SLC25A24: variants seen among roughly 807,000 people sequenced by gnomAD.
SLC25A24 encodes solute carrier family 25 member 24.
In SLC25A24, 49 loss-of-function variants were observed where a neutral mutation model predicts 60.7. That is an observed-to-expected ratio of 0.81 (90% confidence interval 0.64 to 1.02). The LOEUF (loss-of-function observed/expected upper bound fraction) is 1.02. Among genes scored for constraint, SLC25A24 ranks in the 50% least tolerant of loss-of-function variants. The pLI, the probability that SLC25A24 is intolerant of heterozygous loss-of-function variation, is 0.00. For missense variants in SLC25A24, 564 were observed against 586.3 expected, an observed-to-expected ratio of 0.96 and a Z score of 0.39; for synonymous variants, 202 against 200.6, an observed-to-expected ratio of 1.01 and a Z score of -0.06.
At chr1:108,161,661 T>C (rs1680088839) in intron 3 of SLC25A24, among the ~76,000 whole-genome samples, 1 of 152,246 alleles carries the variant, frequency 6.6e-6, no homozygotes, top group Non-Finnish European at 1.5e-5. Flanking sequence ...ATCATGAAGA[T>C]AATTCTTAAT....
intron 6 of SLC25A24, among the ~76,000 whole-genome samples, chr1:108,151,198 C>A (rs1006259233): frequency 6.6e-6 from 1 of 152,002 alleles, no homozygotes; most frequent in Non-Finnish European, 1.5e-5. Flanking sequence ...GAGACTCCAT[C>A]TCAAAAACAA....
At chr1:108,144,220 C>T (rs966760965) in intron 7 of SLC25A24, among the ~76,000 whole-genome samples, 14 of 152,048 alleles carry the variant, frequency 9.2e-5, no homozygotes, top group African/African-American at 3.4e-4. Context: ...TACCACATAT[C>T]GGTGAAAATT....
intron 1 of SLC25A24, among the ~76,000 whole-genome samples, chr1:108,189,614 A>G (rs1172987290): frequency 2.0e-5 from 3 of 152,138 alleles, no homozygotes; most frequent in African/African-American, 7.2e-5. Flanking sequence ...CAGAAGTACA[A>G]GACCAGTCTG....
chr1:108,192,748 CAG>C, intron 1 of SLC25A24: 1 of 1,373,480 alleles, frequency 7.3e-7, no homozygotes, highest in Non-Finnish European at 9.5e-7. Flanking sequence ...GCATCCTCCT[CAG>C]GGGCGCCAAA....
intron 4 of SLC25A24, 126 bp downstream of exon 4, chr1:108,161,056 C>A: frequency 3.5e-6 from 2 of 567,022 alleles, no homozygotes; most frequent in Non-Finnish European, 6.3e-6. Context: ...AAATAGAACT[C>A]TACAGGTTAA....
chr1:108,143,899 C>G (rs912184379), intron 7 of SLC25A24, among the ~76,000 whole-genome samples, 189 bp from the exon 8 acceptor site: 2 of 152,102 alleles, frequency 1.3e-5, no homozygotes, highest in South Asian at 2.1e-4. Context: ...CAGAGAGACC[C>G]GTTTACTGCA....
rs2101590181 is a variant in SLC25A24 at position 108,134,511 on chromosome 1, C to G, written c.*2142G>C. On this transcript the variant is annotated 3_prime_UTR_variant, in exon 10 of 10. Transcript: ENST00000565488. ...GCCAATCCTGAGGCTCTGGGTCCCCCTTGGTACTGTGAACCCCAGGGCTGT... is the reference window on the plus strand; with the variant it reads ...GCCAATCCTGAGGCTCTGGGTCCCCGTTGGTACTGTGAACCCCAGGGCTGT... 6.6e-6 allele frequency: 1 copy of G among 152,266 alleles called. No homozygotes were observed. Among genetic ancestry groups the G allele is most frequent in the South Asian group, 2.1e-4 (1 of 4,820 alleles). 9.4% of individuals were successfully genotyped at this position (152,266 alleles called of 1,614,324 possible).
chr1:108,199,910 C>G (rs1558031579), intron 1 of SLC25A24, 46 bp downstream of exon 1: 1 of 1,493,042 alleles, frequency 6.7e-7, no homozygotes. Context: ...GTCCCCAGCG[C>G]CCGCAGCCCT....
intron 6 of SLC25A24, 110 bp from the exon 7 acceptor site, chr1:108,148,496 A>T: frequency 1.5e-6 from 1 of 689,518 alleles, no homozygotes; most frequent in Non-Finnish European, 2.6e-6. Flanking sequence ...GTATTAGGAG[A>T]TGAGGCTTCT....
chr1:108,164,412 C>A (rs1680183613), intron 3 of SLC25A24, among the ~76,000 whole-genome samples: 1 of 150,110 alleles, frequency 6.7e-6, no homozygotes, highest in Non-Finnish European at 1.5e-5. Flanking sequence ...GCTGTGAATC[C>A]ATCTGGTCCT....
chr1:108,177,311 C>T (rs932094313), intron 3 of SLC25A24, among the ~76,000 whole-genome samples: 2 of 151,662 alleles, frequency 1.3e-5, no homozygotes, highest in Non-Finnish European at 1.5e-5. Flanking sequence ...GAGAAAATCA[C>T]TTAACCACAA....
intron 3 of SLC25A24, among the ~76,000 whole-genome samples, chr1:108,164,752 G>A (rs1294818700): frequency 8.3e-6 from 1 of 120,330 alleles, no homozygotes; most frequent in Non-Finnish European, 1.7e-5. Flanking sequence ...CCAGCTCCTG[G>A]ATTCATTAAT....
At chr1:108,141,886 A>G (rs543191000) in intron 8 of SLC25A24, among the ~76,000 whole-genome samples, 120 of 152,254 alleles carry the variant, frequency 7.9e-4, no homozygotes, top group African/African-American at 2.8e-3. Context: ...TTTAATGACT[A>G]TAGAGTTTAA....
intron 1 of SLC25A24, 193 bp downstream of exon 1, chr1:108,199,763 G>T: frequency 1.7e-6 from 1 of 597,300 alleles, no homozygotes. Context: ...TTCGTATTAT[G>T]ACCCACTTCT....
chr1:108,166,942 A>G (rs1347528386), intron 3 of SLC25A24, among the ~76,000 whole-genome samples: 1 of 150,224 alleles, frequency 6.7e-6, no homozygotes, highest in Non-Finnish European at 1.5e-5. Context: ...TTGGTCTTTG[A>G]TGATGGTGAT....
chr1:108,167,898 T>C (rs1257956311), intron 3 of SLC25A24, among the ~76,000 whole-genome samples: 1 of 152,220 alleles, frequency 6.6e-6, no homozygotes, highest in East Asian at 1.9e-4. Flanking sequence ...ATTTGGCTTG[T>C]TTTACAAGTT....
In SLC25A24 at chr1:108,200,295, G is replaced by A. The variant is rs1648628770; in HGVS notation, c.-157C>T. 1.8e-6 allele frequency: 1 copy of A among 568,570 alleles called. No homozygotes were observed. The highest frequency in any genetic ancestry group is 4.6e-5 in the Admixed American group (1 of 21,738). The allele number at this position is 568,570 out of a possible 1,614,324, so 35.2% of individuals were successfully genotyped here. A position where few individuals can be genotyped will look rare whatever the true frequency, so the allele number is the denominator to read the frequency against. The stretch of plus-strand genomic sequence containing the variant: ...TTGCGGCTGCGGCGCGCAGGGCGCA[G>A]GGCGCAGGAGCGGAGACCCCACCCG... On this transcript the variant is annotated 5_prime_UTR_variant, in exon 1 of 10. Transcript: ENST00000565488.
intron 6 of SLC25A24, among the ~76,000 whole-genome samples, chr1:108,152,648 C>G (rs1367067920): frequency 4.6e-5 from 7 of 152,188 alleles, no homozygotes; most frequent in African/African-American, 7.2e-5. Flanking sequence ...CGCCCGGCTC[C>G]CCTTCATCTT....
At position 108,182,097 on chromosome 1, in the gene SLC25A24, C is replaced by T. The variant is rs187649162; in HGVS notation, c.311-69G>A. 1,497 of 1,035,122 alleles carry T rather than the reference C, an allele frequency of 1.4e-3. 2 individuals are homozygous for T. The highest frequency in any genetic ancestry group is 1.9e-3 in the Non-Finnish European group (1,289 of 676,808). The allele number at this position is 1,035,122 out of a possible 1,614,324, so 64.1% of individuals were successfully genotyped here. ...TAAGAACCACAGAAATTATGAATTT[C>T]AAATCTCTCATTTAAGAGAAAGCTT... On this transcript the variant is annotated intron_variant, in intron 2 of 9. Transcript: ENST00000565488.
Sources: gnomAD v4.1 joint callset for allele counts (sites outside exome capture counted in the v4.1 genomes callset) on GRCh38, gnomAD v4.1.1 for gene constraint, MANE v1.5 for transcripts, NCBI Gene and HGNC (gene_info 2026-07-23, HGNC 2026-07-21) for gene names.